TENM1: variants seen among roughly 807,000 people sequenced by gnomAD.
TENM1 encodes the protein teneurin-1.
A neutral mutation model predicts 174.8 loss-of-function variants in TENM1; 35 were observed. The observed-to-expected ratio is 0.20, with a 90% CI of 0.15 to 0.27. The LOEUF is 0.27. Among genes scored for constraint, TENM1 ranks in the 10% least tolerant of loss-of-function variants. The pLI, the probability that TENM1 is intolerant of heterozygous loss-of-function variation, is 1.00. For synonymous variants in TENM1, 781 were observed against 798.7 expected, an observed-to-expected ratio of 0.98 and a Z score of 0.37; for missense variants, 1,633 against 2,130.1, an observed-to-expected ratio of 0.77 and a Z score of 4.59.
At chrX:124,520,589 G>T (rs2047819833) in exon 18 of TENM1, 2 of 1,211,138 alleles carry the variant, frequency 1.7e-6, no homozygotes, top group South Asian at 3.5e-5. Flanking sequence ...GTGTAGACAA[G>T]ATTAATTGCG....
At chrX:125,037,312 C>A in the TENM1 span, among the ~76,000 whole-genome samples, 1 of 110,181 alleles carries the variant, frequency 9.1e-6, no homozygotes. Context: ...TCCAGAGAAC[C>A]AGACACAGAA....
the TENM1 span, among the ~76,000 whole-genome samples, chrX:125,037,067 A>G: frequency 2.7e-5 from 3 of 111,826 alleles, no homozygotes; most frequent in African/African-American, 6.5e-5. Flanking sequence ...TGCTAACTAT[A>G]TTTTACAGAT....
chrX:124,570,120 T>C (rs2049025235), intron 11 of TENM1, among the ~76,000 whole-genome samples: 1 of 111,544 alleles, frequency 9.0e-6, no homozygotes, highest in Admixed American at 9.5e-5. Flanking sequence ...AAATTTTTTA[T>C]GAACAAATTT....
intron 5 of TENM1, among the ~76,000 whole-genome samples, chrX:124,675,895 A>G (rs2052061912): frequency 9.1e-6 from 1 of 109,377 alleles, no homozygotes; most frequent in Admixed American, 9.8e-5. Context: ...AAGTGAAGCC[A>G]TTGTGAATAT....
At chrX:124,667,539 G>A (rs966809974) in intron 6 of TENM1, among the ~76,000 whole-genome samples, 4 of 105,871 alleles carry the variant, frequency 3.8e-5, no homozygotes, top group Non-Finnish European at 7.7e-5. Flanking sequence ...GCAGTGAGCC[G>A]AGATTGCACC....
chrX:125,025,413 T>C, the TENM1 span, among the ~76,000 whole-genome samples: 1 of 111,413 alleles, frequency 9.0e-6, no homozygotes, highest in African/African-American at 3.3e-5. Flanking sequence ...TGAAAGATAG[T>C]GTATAAAAGG....
At chrX:124,384,221 G>C in exon 30 of TENM1, 4 of 1,210,449 alleles carry the variant, frequency 3.3e-6, no homozygotes, top group Non-Finnish European at 4.5e-6. Context: ...CAGGCCATTA[G>C]AATTATATTC....
chrX:125,125,006 CAAT>C, the TENM1 span, among the ~76,000 whole-genome samples: 5 of 112,270 alleles, frequency 4.5e-5, no homozygotes, highest in African/African-American at 1.3e-4. Flanking sequence ...GGGTAAACAA[CAAT>C]GTTAATGATG....
intron 28 of TENM1, among the ~76,000 whole-genome samples, chrX:124,390,878 A>C (rs944742279): frequency 8.9e-6 from 1 of 112,061 alleles, no homozygotes; most frequent in South Asian, 3.7e-4. Context: ...TATAAGATTC[A>C]GATTTTGCCA....
chrX:124,928,606 A>G (rs775456040), intron 1 of TENM1, among the ~76,000 whole-genome samples: 531 of 112,159 alleles, frequency 4.7e-3, no homozygotes, highest in Non-Finnish European at 8.7e-3. Flanking sequence ...TTGGCACATT[A>G]CCCATCTGAT....
chrX:125,202,384 C>T, the TENM1 span, among the ~76,000 whole-genome samples: 4 of 111,957 alleles, frequency 3.6e-5, no homozygotes, highest in Non-Finnish European at 7.5e-5. Flanking sequence ...GTTTCGTTTC[C>T]TTTTGGTCTT....
chrX:124,747,717 T>G (rs1223007200), intron 3 of TENM1, among the ~76,000 whole-genome samples: 1 of 109,831 alleles, frequency 9.1e-6, no homozygotes, highest in African/African-American at 3.3e-5. Context: ...GTGAAACAGT[T>G]TCTCAGAGAG....
At chrX:124,445,851 G>C (rs1337354348) in intron 23 of TENM1, among the ~76,000 whole-genome samples, 1 of 112,041 alleles carries the variant, frequency 8.9e-6, no homozygotes, top group Non-Finnish European at 1.9e-5. Context: ...TGAGTTACCA[G>C]AGCAGGATGA....
At chrX:124,894,301 G>T in exon 3 of TENM1, 1 of 1,200,946 alleles carries the variant, frequency 8.3e-7, no homozygotes, top group Non-Finnish European at 1.1e-6. Flanking sequence ...CTTGCCTTGA[G>T]TAGACCCAGC....
chrX:124,854,683 A>G (rs182263429), intron 3 of TENM1, among the ~76,000 whole-genome samples: 2 of 112,165 alleles, frequency 1.8e-5, no homozygotes, highest in Admixed American at 9.5e-5. Context: ...AGGACAACAG[A>G]AAATATATTT....
At chrX:125,024,808 C>T in the TENM1 span, among the ~76,000 whole-genome samples, 1 of 111,808 alleles carries the variant, frequency 8.9e-6, no homozygotes, top group Non-Finnish European at 1.9e-5. Context: ...CTTTATTATT[C>T]TCATCTAATT....
intron 3 of TENM1, among the ~76,000 whole-genome samples, chrX:124,881,327 T>C (rs1219968467): frequency 1.8e-5 from 2 of 111,962 alleles, no homozygotes; most frequent in African/African-American, 6.5e-5. Context: ...TAGTTGTTCA[T>C]GACAGTCTCT....
intron 10 of TENM1, among the ~76,000 whole-genome samples, chrX:124,643,133 G>C (rs2051061235): frequency 8.9e-6 from 1 of 112,031 alleles, no homozygotes; most frequent in Non-Finnish European, 1.9e-5. Flanking sequence ...TTTGAAGAGA[G>C]AGGGAAAGTC....
At chrX:124,472,605 T>C (rs746929832) in intron 22 of TENM1, among the ~76,000 whole-genome samples, 1 of 111,216 alleles carries the variant, frequency 9.0e-6, no homozygotes, top group Admixed American at 9.7e-5. Flanking sequence ...GTTAAATTCA[T>C]AGATTTCCAA....
Sources: allele counts gnomAD v4.1 joint callset (sites outside exome capture counted in the v4.1 genomes callset), GRCh38; gene constraint gnomAD v4.1.1; transcripts MANE v1.5; gene names NCBI Gene and HGNC (gene_info 2026-07-23, HGNC 2026-07-21).